Variants in TAS1R1 observed in about 807,000 individuals in gnomAD.
TAS1R1 encodes taste receptor type 1 member 1.
In TAS1R1, 31 loss-of-function variants were observed where a neutral mutation model predicts 45.8. The observed-to-expected ratio is 0.68, with a 90% CI of 0.51 to 0.91. The LOEUF (loss-of-function observed/expected upper bound fraction) is 0.91, where lower values mean the gene tolerates loss of function less well. Ranked by LOEUF, TAS1R1 falls within the 40% of genes least tolerant of loss-of-function variation. TAS1R1 has a pLI of 0.00. For missense variants in TAS1R1, 1,051 were observed against 1,063.9 expected (o/e 0.99, Z 0.17); for synonymous variants, 437 against 448.4 (o/e 0.97, Z 0.32).
At chr1:6,559,015 C>T (rs1342166696) in intron 1 of TAS1R1, among the ~76,000 whole-genome samples, 2 of 151,352 alleles carry the variant, frequency 1.3e-5, no homozygotes, top group African/African-American at 2.4e-5. Context: ...CCTCAGCCTC[C>T]GGAATACCTG....
rs200485107 is a variant in TAS1R1 at position 6,574,903 on chromosome 1, G to A, written c.771G>A (p.Gln257=). ...CCCAGGTGGGCGATGAGAGGATGCAGTGCCTCATGCGCCACCTGGCCCAGG... is the reference window on the plus strand; with the variant it reads ...CCCAGGTGGGCGATGAGAGGATGCAATGCCTCATGCGCCACCTGGCCCAGG... ...FSAQVGDERM[Q]CLMRHLAQAG... The change falls in exon 3 of 6, where the codon CAG becomes CAA. Residue 257 remains glutamine (Q), a synonymous_variant. Coordinates refer to ENST00000333172, the MANE Select transcript of TAS1R1 (RefSeq NM_138697.4). This position sits in a 1 kb window ranked among gnomAD's most constrained non-coding sequence, Gnocchi z 4.3. 6 of 1,614,216 alleles carry A rather than the reference G, an allele frequency of 3.7e-6. No homozygotes were observed. The highest frequency in any genetic ancestry group is 2.2e-5 in the East Asian group (1 of 44,882).
rs756846082 is a variant in TAS1R1, at chr1:6,555,393, G to A, written c.20G>A (p.Arg7His). 5.0e-6 allele frequency: 8 copies of A among 1,600,466 alleles called. No individual in the cohort carries two copies. The highest frequency in any genetic ancestry group is 3.4e-5 in the Admixed American group (2 of 58,860). Reference sequence around the variant, plus strand: ...GCCAGCATGCTGCTCTGCACGGCTCGCCTGGTCGGCCTGCAGCTTCTCATT... The same window carrying A: ...GCCAGCATGCTGCTCTGCACGGCTCACCTGGTCGGCCTGCAGCTTCTCATT... MLLCTA[R>H]LVGLQLLISC... Residue 7 changes from arginine to histidine, a missense_variant, in exon 1 of 6, where the codon CGC becomes CAC. Coordinates refer to ENST00000333172, the MANE Select transcript of TAS1R1 (RefSeq NM_138697.4).
At chr1:6,558,662 G>C (rs1387984397) in intron 1 of TAS1R1, among the ~76,000 whole-genome samples, 3 of 151,874 alleles carry the variant, frequency 2.0e-5, no homozygotes, top group Admixed American at 1.3e-4. Flanking sequence ...AGAGGTTGCA[G>C]TGAGCCGAGA....
At chr1:6,558,880 G>A (rs561889197) in intron 1 of TAS1R1, among the ~76,000 whole-genome samples, 3 of 150,834 alleles carry the variant, frequency 2.0e-5, no homozygotes, top group African/African-American at 2.4e-5. Context: ...CAGCATGCCC[G>A]GCTAATTTTT....
chr1:6,568,635 C>T (rs1455657270), intron 1 of TAS1R1, among the ~76,000 whole-genome samples: 1 of 152,052 alleles, frequency 6.6e-6, no homozygotes, highest in Non-Finnish European at 1.5e-5. Context: ...TTTGTTAAGG[C>T]CTGCAATGAG....
chr1:6,572,034 G>A (rs1281289959), intron 2 of TAS1R1, among the ~76,000 whole-genome samples: 1 of 151,956 alleles, frequency 6.6e-6, no homozygotes, highest in Non-Finnish European at 1.5e-5. Flanking sequence ...CTTCCCCATG[G>A]GTTCCTGCCT....
chr1:6,579,612 G>A lies in TAS1R1; in HGVS notation c.*28G>A. On this transcript the variant is annotated 3_prime_UTR_variant, in exon 6 of 6. Transcript: ENST00000333172. Reference sequence around the variant, plus strand: ...AGTGGGTCAGCAGGCACGGCTGGCAGCCTTCTCTGCCCTGAGGGTCGAAGG... The same window carrying A: ...AGTGGGTCAGCAGGCACGGCTGGCAACCTTCTCTGCCCTGAGGGTCGAAGG... 6.3e-7 allele frequency: 1 copy of A among 1,579,250 alleles called. No individual in the cohort carries two copies. The highest frequency in any genetic ancestry group is 8.6e-7 in the Non-Finnish European group (1 of 1,166,830).
In TAS1R1 at chr1:6,567,276, G is replaced by A. The variant is rs563699882; in HGVS notation, c.192-3633G>A. Among the ~76,000 whole-genome samples, 32 of 152,070 alleles carry A rather than the reference G, an allele frequency of 2.1e-4. No individual in the cohort carries two copies. The South Asian group carries it at 6.2e-3, about 30-fold the overall frequency. On this transcript the variant is annotated intron_variant, in intron 1 of 5. Coordinates refer to ENST00000333172, the MANE Select transcript of TAS1R1 (RefSeq NM_138697.4). ...CCTGGTATTGATTAAAAAGGAGATC[G>A]GCAGCTGGGCGCAGTGGCTCACGCC...
rs751112720 is a variant in TAS1R1 at position 6,577,030 on chromosome 1, G to C, written c.1554G>C (p.Glu518Asp). The C allele has an allele frequency of 6.2e-7, 1 of 1,614,236 alleles. No homozygotes were observed. The highest frequency in any genetic ancestry group is 1.1e-5 in the South Asian group (1 of 91,088). Residue 518 changes from glutamate to aspartate, a missense_variant, in exon 5 of 6, where the codon GAG (glutamate) becomes GAC (aspartate). By Grantham distance (45) the Glu-to-Asp change is conservative. Transcript: ENST00000333172. ...VVTGFHHCCF[E>D]CVPCGAGTFL... is the part of the protein sequence containing the mutation. The stretch of plus-strand genomic sequence containing the variant: ...CGGGTTTCCATCACTGCTGCTTTGA[G>C]TGTGTGCCCTGTGGGGCTGGGACCT...
At position 6,577,305 on chromosome 1, in the gene TAS1R1, G is replaced by A. The variant is rs189750298; in HGVS notation, c.1594+235G>A. ...TCCCAGCACTTTGGGAGGCTGAGGCGGGTGGATCACTTGAGGTCGGGAGTT... is the reference window on the plus strand; with the variant it reads ...TCCCAGCACTTTGGGAGGCTGAGGCAGGTGGATCACTTGAGGTCGGGAGTT... On this transcript the variant is annotated intron_variant, in intron 5 of 5. Coordinates refer to ENST00000333172, the MANE Select transcript of TAS1R1 (RefSeq NM_138697.4). 2.8e-3 allele frequency among the ~76,000 whole-genome samples: 419 copies of A among 152,228 alleles called. 5 individuals carry two copies. In the East Asian group the frequency reaches 0.036, roughly 13 times the overall value.
chr1:6,574,672 GCAGT>G lies in TAS1R1; in HGVS notation c.541_544del (p.Gln181IlefsTer42), dbSNP rs1269864759. On this transcript the variant is annotated frameshift_variant, in exon 3 of 6. Coordinates refer to ENST00000333172, the MANE Select transcript of TAS1R1 (RefSeq NM_138697.4). LOFTEE classifies it high-confidence loss of function. This position sits in a 1 kb window ranked among gnomAD's most constrained non-coding sequence, Gnocchi z 4.3. ...GCAGCGAGACGCTCAGCGTGAAGCG[GCAGT>G]ATCCCTCTTTCCTGCGCACCATCCC... 1 of 1,613,182 alleles carries G rather than the reference GCAGT, an allele frequency of 6.2e-7. No homozygotes were observed. The highest frequency in any genetic ancestry group is 1.3e-5 in the African/African-American group (1 of 74,924).
At position 6,555,357 on chromosome 1, in the gene TAS1R1, G is replaced by T. The variant is rs527418349; in HGVS notation, c.-17G>T. On this transcript the variant is annotated 5_prime_UTR_variant, in exon 1 of 6. Transcript: ENST00000333172. ...AGGCCACTCCTTGGCCATGCCAGGC[G>T]CGGGCATCTGGCCAGCATGCTGCTC... 1 of 1,561,722 alleles carries T rather than the reference G, an allele frequency of 6.4e-7. No homozygotes were observed.
At chr1:6,568,515 G>T (rs1463605667) in intron 1 of TAS1R1, among the ~76,000 whole-genome samples, 1 of 33,938 alleles carries the variant, frequency 2.9e-5, no homozygotes, top group Non-Finnish European at 1.0e-4. Context: ...GTCGATGCAG[G>T]TATATTTTTG....
In TAS1R1 at chr1:6,578,816, C is replaced by T; in HGVS notation, c.1758C>T (p.Gly586=). ...LLLLLLLGTA[G]LFAWHLDTPV... is the part of the protein sequence containing the mutation. The stretch of plus-strand genomic sequence containing the variant: ...TGCTGCTGCTGCTTGGGACTGCTGG[C>T]CTGTTTGCCTGGCACCTAGACACCC... Residue 586 remains glycine, a synonymous_variant, in exon 6 of 6, where the codon GGC becomes GGT. Transcript: ENST00000333172. The T allele has an allele frequency of 6.2e-7, 1 of 1,613,610 alleles. No individual in the cohort carries two copies. The highest frequency in any genetic ancestry group is 8.5e-7 in the Non-Finnish European group (1 of 1,179,722).
In TAS1R1 at chr1:6,556,241, G is replaced by A. The variant is rs1478459635; in HGVS notation, c.191+677G>A. 3.3e-5 allele frequency among the ~76,000 whole-genome samples: 5 copies of A among 152,268 alleles called. No individual in the cohort carries two copies. The East Asian group carries it at 9.7e-4, about 29-fold the overall frequency. ...AGTTCCCTAGAGTCCCAGATGACAA[G>A]TAGGATTCTCCATGGTTCTTCATGG... On this transcript the variant is annotated intron_variant, in intron 1 of 5. Coordinates refer to ENST00000333172, the MANE Select transcript of TAS1R1 (RefSeq NM_138697.4).
chr1:6,555,760 C>T (rs72862899), intron 1 of TAS1R1, among the ~76,000 whole-genome samples, 196 bp downstream of exon 1: 3,483 of 152,290 alleles, frequency 0.023, 132 homozygotes, highest in African/African-American at 0.079. Flanking sequence ...AATTATTTCA[C>T]CCTTGCTGTT....
In TAS1R1 at chr1:6,579,182, A is replaced by G. The variant is rs1418506384; in HGVS notation, c.2124A>G (p.Glu708=). 1.9e-6 allele frequency: 3 copies of G among 1,614,162 alleles called. No individual in the cohort carries two copies. Among genetic ancestry groups the G allele is most frequent in the Admixed American group, 3.3e-5 (2 of 60,022 alleles). The stretch of plus-strand genomic sequence containing the variant: ...TGTGGACCCCACTGCCTGCTAGGGA[A>G]TACCAGCGCTTCCCCCATCTGGTGA... ...LVVWTPLPAR[E]YQRFPHLVML... Residue 708 remains glutamate (E), a synonymous_variant, in exon 6 of 6, where the codon GAA becomes GAG. Transcript: ENST00000333172.
intron 2 of TAS1R1, among the ~76,000 whole-genome samples, chr1:6,573,740 G>A (rs1640081864): frequency 6.6e-6 from 1 of 151,788 alleles, no homozygotes; most frequent in Admixed American, 6.6e-5. Flanking sequence ...TCGACTCACT[G>A]CAAGCTCCGC....
intron 2 of TAS1R1, among the ~76,000 whole-genome samples, chr1:6,573,652 A>ATTTATT (rs926345428): frequency 5.3e-5 from 8 of 151,628 alleles, no homozygotes; most frequent in East Asian, 1.9e-4. Context: ...TTATTTATTT[A>ATTTATT]TTTATTTTTA....
Sources: gnomAD v4.1 joint callset for allele counts (sites outside exome capture counted in the v4.1 genomes callset) on GRCh38, gnomAD v4.1.1 for gene constraint, Gnocchi (gnomAD v3.1) non-coding constraint, MANE v1.5 for transcripts, NCBI Gene and HGNC (gene_info 2026-07-23, HGNC 2026-07-21) for gene names.